The following PTPN4 variants were observed in gnomAD, a reference collection of about 807,000 sequenced individuals.
PTPN4 encodes protein tyrosine phosphatase non-receptor type 4, also known as tyrosine-protein phosphatase non-receptor type 4.
PTPN4 carries 49 observed loss-of-function variants against 135.5 expected under a neutral mutation model. The ratio of observed to expected loss-of-function variants is 0.36; its 90% CI spans 0.29 to 0.46. The LOEUF (loss-of-function observed/expected upper bound fraction) is 0.46, where lower values mean the gene tolerates loss of function less well. Ranked by LOEUF, PTPN4 falls within the 20% of genes least tolerant of loss-of-function variation. The pLI, the probability that PTPN4 is intolerant of heterozygous loss-of-function variation, is 1.00. For synonymous variants in PTPN4, 333 were observed against 369.9 expected, an observed-to-expected ratio of 0.90 and a Z score of 1.14; for missense variants, 860 against 1,101.0, an observed-to-expected ratio of 0.78 and a Z score of 3.10.
intron 3 of PTPN4, among the ~76,000 whole-genome samples, chr2:119,864,747 C>G (rs1677808801): frequency 6.6e-6 from 1 of 152,082 alleles, no homozygotes; most frequent in African/African-American, 2.4e-5. Context: ...CTAATTACAC[C>G]AGAATGAATG....
rs1679705094 is a variant in PTPN4, at chr2:119,982,130, T to C, written c.*5060T>C. 1 of 152,194 alleles carries C rather than the reference T, an allele frequency of 6.6e-6. No individual in the cohort carries two copies. Among genetic ancestry groups the C allele is most frequent in the Non-Finnish European group, 1.5e-5 (1 of 68,018 alleles). The allele number at this position is 152,194 out of a possible 1,614,324, so 9.4% of individuals were successfully genotyped here. A position where few individuals can be genotyped will look rare whatever the true frequency, so the allele number is the denominator to read the frequency against. On this transcript the variant is annotated 3_prime_UTR_variant, in exon 27 of 27. Transcript: ENST00000263708. ...TTTAACTTCCTGAAACCTTTTAAAC[T>C]TTTCAGTGCAAGAATGAAAATGTTT...
chr2:119,812,338 C>T (rs1270738012), intron 2 of PTPN4, among the ~76,000 whole-genome samples: 1 of 152,154 alleles, frequency 6.6e-6, no homozygotes, highest in Non-Finnish European at 1.5e-5. Flanking sequence ...TTTCTCTGTT[C>T]ACCAAGAAGG....
chr2:119,945,969 C>T (rs1679127300), intron 16 of PTPN4, among the ~76,000 whole-genome samples: 1 of 152,012 alleles, frequency 6.6e-6, no homozygotes, highest in African/African-American at 2.4e-5. Context: ...ATATATCAAG[C>T]AGTGGAAGTA....
rs1212121629 is a variant in PTPN4 at position 119,955,146 on chromosome 2, T to C, written c.1814-11T>C. The C allele has an allele frequency of 6.4e-7, 1 of 1,574,582 alleles. No individual in the cohort carries two copies. The highest frequency in any genetic ancestry group is 2.0e-5 in the Admixed American group (1 of 49,770). ...CCACGTTTTGGGGTTTGTTTGATTT[T>C]TTTTTTTTAGCTGTATATGATGTAG... On this transcript the variant is annotated splice_polypyrimidine_tract_variant and intron_variant, in intron 19 of 26. Coordinates refer to ENST00000263708, the MANE Select transcript of PTPN4 (RefSeq NM_002830.4).
At chr2:119,960,652 TA>T (rs1199215294) in intron 22 of PTPN4, 154 bp from the exon 23 acceptor site, 5 of 603,884 alleles carry the variant, frequency 8.3e-6, no homozygotes, top group African/African-American at 7.7e-5. Flanking sequence ...CTTCTACAGA[TA>T]AAATAAGAAA....
chr2:119,919,823 CAAA>C (rs768606079), intron 11 of PTPN4, among the ~76,000 whole-genome samples: 10 of 64,746 alleles, frequency 1.5e-4, no homozygotes, highest in African/African-American at 3.7e-4. Flanking sequence ...GACTGTGTCT[CAAA>C]AAAAAAAAAA....
At chr2:119,844,170 C>G (rs1205787642) in intron 2 of PTPN4, among the ~76,000 whole-genome samples, 1 of 112,384 alleles carries the variant, frequency 8.9e-6, no homozygotes, top group Non-Finnish European at 1.8e-5. Flanking sequence ...CCCCACCTCC[C>G]TCCCGGACGG....
chr2:119,894,357 T>A (rs1678287213), intron 9 of PTPN4, among the ~76,000 whole-genome samples: 1 of 152,226 alleles, frequency 6.6e-6, no homozygotes. Context: ...AATCACATAG[T>A]GGTTTTCCAT....
chr2:119,796,156 A>T (rs956800829), intron 1 of PTPN4, among the ~76,000 whole-genome samples: 2 of 76,804 alleles, frequency 2.6e-5, no homozygotes, highest in Admixed American at 1.3e-4. Context: ...CTGCTCCCAC[A>T]GCTGCTCCTG....
At chr2:119,934,159 G>T (rs1678948226) in intron 14 of PTPN4, among the ~76,000 whole-genome samples, 1 of 152,098 alleles carries the variant, frequency 6.6e-6, no homozygotes, top group African/African-American at 2.4e-5. Flanking sequence ...AAGAGCATGG[G>T]CCCTGGAATC....
At chr2:119,929,374 A>G (rs746333000) in intron 13 of PTPN4, among the ~76,000 whole-genome samples, 7 of 152,074 alleles carry the variant, frequency 4.6e-5, no homozygotes, top group South Asian at 2.1e-4. Context: ...TTAGTTGGCA[A>G]TATGAGTAGA....
intron 11 of PTPN4, among the ~76,000 whole-genome samples, chr2:119,918,259 T>C (rs552707868): frequency 2.0e-5 from 3 of 152,314 alleles, no homozygotes; most frequent in South Asian, 4.1e-4. Context: ...ACAGGAAATA[T>C]CTTAATGACC....
chr2:119,822,099 T>G (rs1430303637), intron 2 of PTPN4, among the ~76,000 whole-genome samples: 1 of 152,158 alleles, frequency 6.6e-6, no homozygotes, highest in African/African-American at 2.4e-5. Context: ...CTTCAGTTTA[T>G]CTTAGAATAA....
chr2:119,816,953 A>G (rs1233450647), intron 2 of PTPN4, among the ~76,000 whole-genome samples: 1 of 152,186 alleles, frequency 6.6e-6, no homozygotes, highest in East Asian at 1.9e-4. Context: ...AAGTTGATTC[A>G]CCTGGTTTAT....
rs1690458080 is a variant in PTPN4 at position 119,760,332 on chromosome 2, G to C, written c.-70G>C. On this transcript the variant is annotated 5_prime_UTR_variant, in exon 1 of 27. Transcript: ENST00000263708. Reference sequence around the variant, plus strand: ...GACGCGCTTCTCCTCTGCGCGCCGGGGCCTCGAGGCTTTTTTTCTCCAGCC... The same window carrying C: ...GACGCGCTTCTCCTCTGCGCGCCGGCGCCTCGAGGCTTTTTTTCTCCAGCC... The C allele has an allele frequency of 2.5e-6, 1 of 394,708 alleles. No individual in the cohort carries two copies. Among genetic ancestry groups the C allele is most frequent in the Non-Finnish European group, 4.5e-6 (1 of 223,912 alleles). The allele number at this position is 394,708 out of a possible 1,614,324, so 24.5% of individuals were successfully genotyped here.
rs537535100 is a variant in PTPN4 at position 119,930,963 on chromosome 2, A to G, written c.1071-1461A>G. ...TATAAGAAAATCTGAAAATAAATCC[A>G]AAGTCACACAACAAAGGCCTATGAT... On this transcript the variant is annotated intron_variant, in intron 13 of 26. Transcript: ENST00000263708. Among the ~76,000 whole-genome samples, 29 of 152,182 alleles carry G rather than the reference A, an allele frequency of 1.9e-4. No homozygotes were observed. The South Asian group carries it at 5.6e-3, about 29-fold the overall frequency.
At chr2:119,838,907 T>C (rs1322330546) in intron 2 of PTPN4, among the ~76,000 whole-genome samples, 1 of 152,246 alleles carries the variant, frequency 6.6e-6, no homozygotes, top group Non-Finnish European at 1.5e-5. Context: ...TTGGTATATG[T>C]TAGAATTCTG....
intron 1 of PTPN4, among the ~76,000 whole-genome samples, chr2:119,794,139 C>A (rs1417496064): frequency 6.6e-6 from 1 of 152,060 alleles, no homozygotes; most frequent in Non-Finnish European, 1.5e-5. Flanking sequence ...TGAGTCGCTG[C>A]ACCTGGCCAG....
intron 2 of PTPN4, among the ~76,000 whole-genome samples, chr2:119,830,730 A>C (rs1677207215): frequency 6.6e-6 from 1 of 151,988 alleles, no homozygotes; most frequent in Admixed American, 6.5e-5. Context: ...GGCCTCCCAA[A>C]GTGCTACAGG....
Sources: allele counts gnomAD v4.1 joint callset (sites outside exome capture counted in the v4.1 genomes callset), GRCh38; gene constraint gnomAD v4.1.1; transcripts MANE v1.5; gene names NCBI Gene and HGNC (gene_info 2026-07-23, HGNC 2026-07-21).